The following GALNT18 variants were observed in gnomAD, a reference collection of about 807,000 sequenced individuals.
GALNT18 encodes polypeptide N-acetylgalactosaminyltransferase 18, also known as GalNAc-transferase 18.
Under a neutral mutation model 69.5 loss-of-function variants are expected in GALNT18, and 44 were observed. The ratio of observed to expected loss-of-function variants is 0.63; its 90% CI spans 0.50 to 0.81. GALNT18 has a LOEUF of 0.81. GALNT18 is among the 40% of genes least tolerant of loss of function. The probability of loss-of-function intolerance (pLI) is 0.00; values close to 1 mark genes in which losing one functional copy is unlikely to be tolerated. For missense variants in GALNT18, 715 were observed against 810.0 expected, an observed-to-expected ratio of 0.88 and a Z score of 1.42; for synonymous variants, 364 against 318.2, an observed-to-expected ratio of 1.14 and a Z score of -1.53.
chr11:11,572,470 G>A (rs958949901), intron 1 of GALNT18, among the ~76,000 whole-genome samples: 13 of 152,334 alleles, frequency 8.5e-5, no homozygotes, highest in African/African-American at 2.4e-4. Context: ...CCGAGACAGA[G>A]TTTAGGCAGC....
In GALNT18 at chr11:11,318,878, G is replaced by A. The variant is rs1849798266; in HGVS notation, c.1512+8208C>T. Among the ~76,000 whole-genome samples, 1 of 152,134 alleles carries A rather than the reference G, an allele frequency of 6.6e-6. No homozygotes were observed. Among genetic ancestry groups the A allele is most frequent in the East Asian group, 1.9e-4 (1 of 5,198 alleles). ...AGAGAATGTACTCATGCTTGACTTT[G>A]CTATTTACCTTTTGATTCTCTCTCA... On this transcript the variant is annotated intron_variant, in intron 9 of 10. Transcript: ENST00000227756. The surrounding 1 kb of genome is among the most constrained non-coding windows in gnomAD (Gnocchi z 5.1).
rs4910015 is a variant in GALNT18 at position 11,546,677 on chromosome 11, A to T, written c.235+74682T>A. Among the ~76,000 whole-genome samples, 36,520 of 152,042 alleles carry T rather than the reference A, an allele frequency of 0.24. 4,770 individuals carry two copies. Among genetic ancestry groups the T allele is most frequent in the Non-Finnish European group, 0.26 (17,561 of 67,972 alleles). ...CATACTCTGACCTCTAACCATACAA[A>T]TACACCTATTCCTCAAACAGGCCTT... On this transcript the variant is annotated intron_variant, in intron 1 of 10. Transcript: ENST00000227756. This position sits in a 1 kb window ranked among gnomAD's most constrained non-coding sequence, Gnocchi z 5.8.
intron 1 of GALNT18, among the ~76,000 whole-genome samples, chr11:11,599,757 T>C (rs1230664970): frequency 3.3e-5 from 5 of 151,970 alleles, no homozygotes; most frequent in Admixed American, 2.6e-4. Context: ...ATTTCTTTTT[T>C]CCCAGCTTTA....
At chr11:11,368,421 T>G (rs1195830683) in intron 6 of GALNT18, among the ~76,000 whole-genome samples, 1 of 152,228 alleles carries the variant, frequency 6.6e-6, no homozygotes, top group Non-Finnish European at 1.5e-5. Flanking sequence ...CCATACTGTT[T>G]TCTCAGAAAA....
At chr11:11,599,355 TTATCTC>T (rs1435498910) in intron 1 of GALNT18, among the ~76,000 whole-genome samples, 100 of 152,220 alleles carry the variant, frequency 6.6e-4, no homozygotes, top group African/African-American at 2.1e-3. Flanking sequence ...ATTTTGCTCT[TTATCTC>T]TAGTAACTTT....
intron 1 of GALNT18, among the ~76,000 whole-genome samples, chr11:11,547,620 A>G (rs4567450): frequency 0.33 from 50,914 of 152,072 alleles, 9,461 homozygotes; most frequent in East Asian, 0.49. Flanking sequence ...CCTGCTCCAC[A>G]GGACCTGCTT....
At position 11,540,150 on chromosome 11, in the gene GALNT18, A is replaced by T. The variant is rs773141562; in HGVS notation, c.235+81209T>A. The stretch of plus-strand genomic sequence containing the variant: ...GGCATTGGACTGGATTATTCTAAAC[A>T]TATTTTGTGGTTCTAAAACCTCTTC... On this transcript the variant is annotated intron_variant, in intron 1 of 10. Transcript: ENST00000227756. The surrounding 1 kb of genome is among the most constrained non-coding windows in gnomAD (Gnocchi z 4.6). Among the ~76,000 whole-genome samples, 1 of 152,158 alleles carries T rather than the reference A, an allele frequency of 6.6e-6. No individual in the cohort carries two copies. Among genetic ancestry groups the T allele is most frequent in the Non-Finnish European group, 1.5e-5 (1 of 68,024 alleles).
intron 1 of GALNT18, among the ~76,000 whole-genome samples, chr11:11,607,320 A>G (rs1590135769): frequency 6.6e-6 from 1 of 152,336 alleles, no homozygotes; most frequent in East Asian, 1.9e-4. Flanking sequence ...TTAACAAGTG[A>G]CCAAAATAAC....
Position 11,578,330 on chromosome 11 carries a change from C to CAAAAA in GALNT18, c.235+43024_235+43028dup, listed in dbSNP as rs57579910. On this transcript the variant is annotated intron_variant, in intron 1 of 10. Coordinates refer to ENST00000227756, the MANE Select transcript of GALNT18 (RefSeq NM_198516.3). Reference sequence around the variant, plus strand: ...AGGAGCCGAAAAACATAAAAAGAACCAAAAAAAAAAAAAAAAAACTCAATA... The same window carrying CAAAAA: ...AGGAGCCGAAAAACATAAAAAGAACCAAAAAAAAAAAAAAAAAAAAAAACTCAATA... 4.2e-3 allele frequency among the ~76,000 whole-genome samples: 506 copies of CAAAAA among 120,566 alleles called. 3 individuals carry two copies. Among genetic ancestry groups the CAAAAA allele is most frequent in the African/African-American group, 0.013 (362 of 28,220 alleles). 79.1% of individuals were successfully genotyped at this position (120,566 alleles called of 152,430 possible).
At position 11,436,606 on chromosome 11, in the gene GALNT18, C is replaced by T. The variant is rs1590000392; in HGVS notation, c.429-3819G>A. On this transcript the variant is annotated intron_variant, in intron 2 of 10. Transcript: ENST00000227756. The surrounding 1 kb of genome is among the most constrained non-coding windows in gnomAD (Gnocchi z 4.5). ...TGTTGAATAAATTCCCTTTCAGTTT[C>T]CACAAAACACACGTTCATGCCACAT... Among the ~76,000 whole-genome samples the T allele has an allele frequency of 2.0e-5, 3 of 152,324 alleles. No individual in the cohort carries two copies. Among genetic ancestry groups the T allele is most frequent in the Admixed American group, 2.0e-4 (3 of 15,306 alleles).
At chr11:11,408,491 G>A (rs1010286205) in intron 3 of GALNT18, among the ~76,000 whole-genome samples, 8 of 152,082 alleles carry the variant, frequency 5.3e-5, no homozygotes, top group African/African-American at 9.7e-5. Flanking sequence ...AAGGTGAGTC[G>A]GGCAGAGGAG....
chr11:11,281,366 C>T (rs181687131), intron 10 of GALNT18, among the ~76,000 whole-genome samples: 25 of 152,282 alleles, frequency 1.6e-4, no homozygotes, highest in South Asian at 4.1e-4. Context: ...GATAGGAATC[C>T]GTTTATCAGC....
At chr11:11,565,513 G>T (rs1858626222) in intron 1 of GALNT18, among the ~76,000 whole-genome samples, 1 of 152,170 alleles carries the variant, frequency 6.6e-6, no homozygotes. Flanking sequence ...TGCAAGCACT[G>T]GGAAAGGAAG....
At chr11:11,559,776 G>T (rs572561721) in intron 1 of GALNT18, among the ~76,000 whole-genome samples, 30 of 152,024 alleles carry the variant, frequency 2.0e-4, no homozygotes, top group African/African-American at 6.8e-4. Flanking sequence ...AACAGAATGG[G>T]ATATGATGGG....
intron 10 of GALNT18, among the ~76,000 whole-genome samples, chr11:11,280,149 G>C (rs767081953): frequency 3.9e-5 from 6 of 152,064 alleles, no homozygotes; most frequent in African/African-American, 1.4e-4. Context: ...GGCACCCCCC[G>C]CCCGGGGAGT....
At chr11:11,506,181 C>T (rs1193872135) in intron 1 of GALNT18, among the ~76,000 whole-genome samples, 1 of 152,170 alleles carries the variant, frequency 6.6e-6, no homozygotes, top group Non-Finnish European at 1.5e-5. Flanking sequence ...CCCAGAACTC[C>T]AGCATACAGC....
At chr11:11,354,535 A>G (rs1850487100) in intron 6 of GALNT18, among the ~76,000 whole-genome samples, 1 of 152,222 alleles carries the variant, frequency 6.6e-6, no homozygotes, top group Non-Finnish European at 1.5e-5. Context: ...AAAGTGATAA[A>G]TTCCAAAGAT....
rs77057921 is a variant in GALNT18 at position 11,284,038 on chromosome 11, C to A, written c.1677+8991G>T. Among the ~76,000 whole-genome samples the A allele has an allele frequency of 3.2e-3, 487 of 151,998 alleles. 6 individuals are homozygous for A. The highest frequency in any genetic ancestry group is 0.011 in the African/African-American group (471 of 41,312). On this transcript the variant is annotated intron_variant, in intron 10 of 10. Coordinates refer to ENST00000227756, the MANE Select transcript of GALNT18 (RefSeq NM_198516.3). ...GTAGGACTCTGTGCCCCGCCTTGGC[C>A]ACGTCACCTCAGGAAAATGGCTGAG...
At chr11:11,456,168 G>A (rs568801062) in intron 1 of GALNT18, among the ~76,000 whole-genome samples, 5 of 152,296 alleles carry the variant, frequency 3.3e-5, no homozygotes, top group African/African-American at 1.2e-4. Context: ...CTTTATCCCT[G>A]GAGCTGATTC....
Sources: allele counts gnomAD v4.1 joint callset (sites outside exome capture counted in the v4.1 genomes callset), GRCh38; gene constraint gnomAD v4.1.1; non-coding constraint Gnocchi (gnomAD v3.1); transcripts MANE v1.5; gene names NCBI Gene and HGNC (gene_info 2026-07-23, HGNC 2026-07-21).